The following GTF2H2 variants were observed in gnomAD, a reference collection of about 807,000 sequenced individuals.
GTF2H2 encodes the protein general transcription factor IIH subunit 2, also known as TFIIH basal transcription factor complex p44 subunit.
A neutral mutation model predicts 16.5 loss-of-function variants in GTF2H2; 2 were observed. The observed-to-expected ratio is 0.12, with a 90% confidence interval of 0.05 to 0.38. GTF2H2 has a LOEUF of 0.38. Among genes scored for constraint, GTF2H2 ranks in the 10% least tolerant of loss-of-function variants. The pLI is 0.99. For synonymous variants in GTF2H2, 8 were observed against 44.1 expected, an observed-to-expected ratio of 0.18 and a Z score of 3.24; for missense variants, 20 against 137.0, an observed-to-expected ratio of 0.15 and a Z score of 4.26.
intron 8 of GTF2H2, among the ~76,000 whole-genome samples, chr5:71,052,915 A>T (rs1752866128): frequency 6.8e-5 from 3 of 44,052 alleles, no homozygotes; most frequent in East Asian, 7.4e-4. Context: ...TGCCTGGCTA[A>T]TTTTTTTTTT....
Position 71,053,339 on chromosome 5 carries a change from A to G in GTF2H2, c.470+2013T>C, listed in dbSNP as rs1752919025. On this transcript the variant is annotated intron_variant, in intron 8 of 15. Coordinates refer to ENST00000274400, the Ensembl canonical transcript of GTF2H2. ...GGCCGAACAGAGGGAGAGAGACTGG[A>G]AAACAGCCAGTTGGTGGAGCACTCA... 1.4e-5 allele frequency among the ~76,000 whole-genome samples: 2 copies of G among 142,600 alleles called. 1 individual carries two copies. The highest frequency in any genetic ancestry group is 5.3e-5 in the African/African-American group (2 of 37,588). 93.6% of individuals were successfully genotyped at this position (142,600 alleles called of 152,430 possible).
At chr5:71,054,835 A>G (rs1433741465) in intron 8 of GTF2H2, among the ~76,000 whole-genome samples, 1 of 135,994 alleles carries the variant, frequency 7.4e-6, no homozygotes, top group East Asian at 2.0e-4. Flanking sequence ...TGTATAATAA[A>G]TTATATATAT....
intron 12 of GTF2H2, among the ~76,000 whole-genome samples, chr5:71,043,769 A>G (rs1242738963): frequency 2.1e-5 from 1 of 48,758 alleles, no homozygotes. Context: ...CCCTTTGTCT[A>G]TTAATTCTAC....
At chr5:71,058,158 C>T (rs1472510101) in intron 7 of GTF2H2, 1 of 131,876 alleles carries the variant, frequency 7.6e-6, no homozygotes, top group Non-Finnish European at 1.6e-5. Flanking sequence ...TGCAGTGAGC[C>T]AAGACAGCAC....
intron 11 of GTF2H2, among the ~76,000 whole-genome samples, chr5:71,047,247 GCTGGGAT>G (rs1315667514): frequency 7.8e-6 from 1 of 128,274 alleles, no homozygotes; most frequent in Non-Finnish European, 1.7e-5. Flanking sequence ...CTCCTGAGTA[GCTGGGAT>G]TACAGATGTC....
chr5:71,052,915 A>ATTGTTTTTTTTT, intron 8 of GTF2H2, among the ~76,000 whole-genome samples: 1 of 44,052 alleles, frequency 2.3e-5, no homozygotes, highest in Non-Finnish European at 3.7e-5. Flanking sequence ...TGCCTGGCTA[A>ATTGTTTTTTTTT]TTTTTTTTTT....
chr5:71,057,282 T>C lies in GTF2H2; in HGVS notation c.365-1825A>G, dbSNP rs1458068516. Among the ~76,000 whole-genome samples, 4 of 118,414 alleles carry C rather than the reference T, an allele frequency of 3.4e-5. No individual in the cohort carries two copies. In the South Asian group the frequency reaches 1.0e-3, roughly 31 times the overall value. The allele number at this position is 118,414 out of a possible 152,430, so 77.7% of individuals were successfully genotyped here. ...CTAATTTGTAAGACTATCAGCACTA[T>C]AAATAACAGTTTCTCTGTGGTTCCA... is the stretch of plus-strand genomic sequence containing the variant. On this transcript the variant is annotated intron_variant, in intron 7 of 15. Coordinates refer to ENST00000274400, the Ensembl canonical transcript of GTF2H2.
chr5:71,054,065 T>A lies in GTF2H2; in HGVS notation c.470+1287A>T, dbSNP rs985552270. ...TTTTCAGACCAAGAGTAACTAAAACTGGAAAGTGAAACTGCAGATAAGGGG... is the reference window on the plus strand; with the variant it reads ...TTTTCAGACCAAGAGTAACTAAAACAGGAAAGTGAAACTGCAGATAAGGGG... On this transcript the variant is annotated intron_variant, in intron 8 of 15. Transcript: ENST00000274400. 5.8e-5 allele frequency among the ~76,000 whole-genome samples: 8 copies of A among 138,280 alleles called. 1 individual carries two copies. The South Asian group carries it at 1.1e-3, about 19-fold the overall frequency. 90.7% of individuals were successfully genotyped at this position (138,280 alleles called of 152,430 possible).
intron 11 of GTF2H2, among the ~76,000 whole-genome samples, chr5:71,046,815 T>C (rs1752396770): frequency 1.5e-5 from 1 of 66,634 alleles, no homozygotes; most frequent in Non-Finnish European, 2.8e-5. Context: ...AAAAATTAGC[T>C]GGGCATGGTG....
At chr5:71,046,404 T>C (rs1752351366) in intron 11 of GTF2H2, among the ~76,000 whole-genome samples, 1 of 94,300 alleles carries the variant, frequency 1.1e-5, no homozygotes, top group South Asian at 4.3e-4. Context: ...ACGCATCATC[T>C]GTATTAACTC....
Position 71,055,100 on chromosome 5 carries a change from A to C in GTF2H2, c.470+252T>G, listed in dbSNP as rs150698864. The C allele has an allele frequency of 3.8e-4, 112 of 296,598 alleles. 1 individual carries two copies. The highest frequency in any genetic ancestry group is 1.7e-3 in the African/African-American group (71 of 41,594). 18.4% of individuals were successfully genotyped at this position (296,598 alleles called of 1,614,324 possible). A position where few individuals can be genotyped will look rare whatever the true frequency, so the allele number is the denominator to read the frequency against. ...TTTAATAAAATATTTTTTCATCAACATATTTTTGTACTATTGATACTGCCG... is the reference window on the plus strand; with the variant it reads ...TTTAATAAAATATTTTTTCATCAACCTATTTTTGTACTATTGATACTGCCG... On this transcript the variant is annotated intron_variant, in intron 8 of 15. Coordinates refer to ENST00000274400, the Ensembl canonical transcript of GTF2H2.
intron 11 of GTF2H2, among the ~76,000 whole-genome samples, chr5:71,046,622 T>G (rs1371011760): frequency 7.2e-6 from 1 of 138,230 alleles, no homozygotes. Flanking sequence ...GTAATAAATT[T>G]TCATTGTAAC....
intron 8 of GTF2H2, 151 bp downstream of exon 8, chr5:71,055,201 A>G: frequency 1.4e-6 from 1 of 692,194 alleles, no homozygotes; most frequent in Non-Finnish European, 2.2e-6. Context: ...ACTAACCAAC[A>G]CCACACTAAA....
At position 71,036,234 on chromosome 5, in the gene GTF2H2, TA is replaced by T. The variant is rs1420796093; in HGVS notation, c.1069-439del. 2.6e-5 allele frequency among the ~76,000 whole-genome samples: 2 copies of T among 77,138 alleles called. 1 individual carries two copies. Among genetic ancestry groups the T allele is most frequent in the Non-Finnish European group, 5.3e-5 (2 of 37,760 alleles). 50.6% of individuals were successfully genotyped at this position (77,138 alleles called of 152,430 possible). On this transcript the variant is annotated intron_variant, in intron 15 of 15. Transcript: ENST00000274400. Reference sequence around the variant, plus strand: ...CATATTTCCCTTTCAAGTAAACCTTTAAAAAAATATGTCAAATGACACAGAT... The same window carrying T: ...CATATTTCCCTTTCAAGTAAACCTTTAAAAAATATGTCAAATGACACAGAT...
chr5:71,054,235 T>C (rs1753001566), intron 8 of GTF2H2, among the ~76,000 whole-genome samples: 1 of 146,174 alleles, frequency 6.8e-6, no homozygotes. Flanking sequence ...GACCTTTTTA[T>C]GCTTTCTGCA....
intron 3 of GTF2H2, 52 bp downstream of exon 3, chr5:71,061,636 G>A (rs1397285016): frequency 5.3e-6 from 1 of 189,286 alleles, no homozygotes. Context: ...AGATAGAAAG[G>A]CTTAAAATGA....
Position 71,054,501 on chromosome 5 carries a change from C to A in GTF2H2, c.470+851G>T, listed in dbSNP as rs376406868. 3.7e-4 allele frequency among the ~76,000 whole-genome samples: 54 copies of A among 144,836 alleles called. No homozygotes were observed. In the East Asian group the frequency reaches 0.01, roughly 28 times the overall value. On this transcript the variant is annotated intron_variant, in intron 8 of 15. Transcript: ENST00000274400. ...CTTGAGGCCAGGAGTTCAAGACCAGCCTGGCTAACATGGTGAAACCCCATC... is the reference window on the plus strand; with the variant it reads ...CTTGAGGCCAGGAGTTCAAGACCAGACTGGCTAACATGGTGAAACCCCATC...
chr5:71,061,492 G>A, intron 3 of GTF2H2, 184 bp from the exon 4 acceptor site: 1 of 433,890 alleles, frequency 2.3e-6, no homozygotes, highest in South Asian at 2.5e-5. Context: ...CACAATTATA[G>A]GTATTGTAGA....
At position 71,046,690 on chromosome 5, in the gene GTF2H2, G is replaced by C. The variant is rs1752380922; in HGVS notation, c.758-1183C>G. On this transcript the variant is annotated intron_variant, in intron 11 of 15. Coordinates refer to ENST00000274400, the Ensembl canonical transcript of GTF2H2. Reference sequence around the variant, plus strand: ...AAAAAGTGATCCAAGGCCGGGCACAGTGGCTCAAGCCTGTAATCCCAGCAC... The same window carrying C: ...AAAAAGTGATCCAAGGCCGGGCACACTGGCTCAAGCCTGTAATCCCAGCAC... 2.5e-5 allele frequency among the ~76,000 whole-genome samples: 3 copies of C among 120,682 alleles called. 1 individual carries two copies. The South Asian group carries it at 9.3e-4, about 37-fold the overall frequency. 79.2% of individuals were successfully genotyped at this position (120,682 alleles called of 152,430 possible). A position where few individuals can be genotyped will look rare whatever the true frequency, so the allele number is the denominator to read the frequency against.
Sources: allele counts gnomAD v4.1 joint callset (sites outside exome capture counted in the v4.1 genomes callset), GRCh38; gene constraint gnomAD v4.1.1; transcripts MANE v1.5; gene names NCBI Gene and HGNC (gene_info 2026-07-23, HGNC 2026-07-21).